The following TMEM231 variants were observed in gnomAD, a reference collection of about 807,000 sequenced individuals.
TMEM231 encodes the protein transmembrane protein 231.
In TMEM231, 40 loss-of-function variants were observed where a neutral mutation model predicts 38.5. The ratio of observed to expected loss-of-function variants is 1.04; its 90% CI spans 0.81 to 1.35. The LOEUF (loss-of-function observed/expected upper bound fraction) is 1.35. Among genes scored for constraint, TMEM231 ranks in the 40% most tolerant of loss-of-function variants. The probability of loss-of-function intolerance (pLI) is 0.00; values close to 1 mark genes in which losing one functional copy is unlikely to be tolerated. For missense variants in TMEM231, 420 were observed against 416.9 expected, an observed-to-expected ratio of 1.01 and a Z score of -0.07; for synonymous variants, 199 against 181.7, an observed-to-expected ratio of 1.10 and a Z score of -0.77.
chr16:75,545,552 G>T, intron 3 of TMEM231, 57 bp from the exon 4 acceptor site: 5 of 1,289,474 alleles, frequency 3.9e-6, no homozygotes, highest in African/African-American at 3.4e-5. Context: ...AAGGGCTCTG[G>T]GTGCTAAGAG....
In TMEM231 at chr16:75,540,028, G is replaced by C; in HGVS notation, c.917C>G (p.Pro306Arg). The C allele has an allele frequency of 6.2e-7, 1 of 1,613,378 alleles. No individual in the cohort carries two copies. Among genetic ancestry groups the C allele is most frequent in the Non-Finnish European group, 8.5e-7 (1 of 1,179,616 alleles). Reference sequence around the variant, plus strand: ...GTGCTCCTTACACAAGTCTCCCCGGGGCGTCACTGTCACAGGAATGGTGGT... The same window carrying C: ...GTGCTCCTTACACAAGTCTCCCCGGCGCGTCACTGTCACAGGAATGGTGGT... The part of the protein sequence containing the change: ...VVTTIPVTVT[P>R]RGDLCKEHLS The change falls in exon 7 of 7, where the codon CCC becomes CGC. Residue 306 changes from proline (P) to arginine (R), a missense_variant. Physicochemically the swap from Pro to Arg is moderately radical, Grantham distance 103 (BLOSUM62 -2). Coordinates refer to ENST00000258173, the MANE Select transcript of TMEM231 (RefSeq NM_001077418.3).
intron 2 of TMEM231, among the ~76,000 whole-genome samples, chr16:75,550,439 ACCT>A (rs1407615266): frequency 6.6e-6 from 1 of 152,128 alleles, no homozygotes; most frequent in East Asian, 1.9e-4. Flanking sequence ...TACTGGCAGA[ACCT>A]AACAGGAAGC....
At chr16:75,542,079 C>G (rs2080633748) in intron 5 of TMEM231, 1 of 157,330 alleles carries the variant, frequency 6.4e-6, no homozygotes, top group African/African-American at 2.4e-5. Flanking sequence ...AAACCTCAGC[C>G]ACCGACCAGA....
Position 75,537,220 on chromosome 16 carries a change from C to A in TMEM231, c.*2774G>T, listed in dbSNP as rs2080569173. 6.6e-6 allele frequency: 1 copy of A among 151,642 alleles called. No homozygotes were observed. The highest frequency in any genetic ancestry group is 6.6e-5 in the Admixed American group (1 of 15,192). 9.4% of individuals were successfully genotyped at this position (151,642 alleles called of 1,614,324 possible). Reference sequence around the variant, plus strand: ...TGATGAAATAATCTGTACACCAAACCCCCAGGTTGTACAATTTAGCTATAT... The same window carrying A: ...TGATGAAATAATCTGTACACCAAACACCCAGGTTGTACAATTTAGCTATAT... On this transcript the variant is annotated 3_prime_UTR_variant, in exon 7 of 7. Coordinates refer to ENST00000258173, the MANE Select transcript of TMEM231 (RefSeq NM_001077418.3).
At chr16:75,543,622 AAAC>A (rs2080651389) in intron 4 of TMEM231, among the ~76,000 whole-genome samples, 1 of 152,164 alleles carries the variant, frequency 6.6e-6, no homozygotes, top group South Asian at 2.1e-4. Flanking sequence ...CAAAAAAAAG[AAAC>A]CATACTTCCA....
At chr16:75,547,022 G>C (rs2080701105) in intron 2 of TMEM231, among the ~76,000 whole-genome samples, 1 of 152,152 alleles carries the variant, frequency 6.6e-6, no homozygotes. Context: ...AAAAAAAACT[G>C]GTATCCACTC....
intron 2 of TMEM231, among the ~76,000 whole-genome samples, chr16:75,548,083 CA>C (rs2080715464): frequency 6.6e-6 from 1 of 152,250 alleles, no homozygotes; most frequent in East Asian, 1.9e-4. Flanking sequence ...TCCCATTACA[CA>C]GATGACAAAA....
chr16:75,547,404 G>C (rs1400370673), intron 2 of TMEM231, among the ~76,000 whole-genome samples: 1 of 152,168 alleles, frequency 6.6e-6, no homozygotes. Context: ...TCTTGTTTTA[G>C]AGAAACCTCC....
intron 6 of TMEM231, 114 bp downstream of exon 6, chr16:75,541,236 T>C (rs2080624230): frequency 1.8e-6 from 1 of 547,250 alleles, no homozygotes; most frequent in Non-Finnish European, 3.0e-6. Context: ...GCCAGGCTGG[T>C]TGTGAACTCC....
At chr16:75,545,745 G>T in intron 3 of TMEM231, 81 bp downstream of exon 3, 1 of 653,912 alleles carries the variant, frequency 1.5e-6, no homozygotes, top group Non-Finnish European at 2.4e-6. Flanking sequence ...TAGAGTGCGG[G>T]TCTTCTAGAA....
intron 4 of TMEM231, among the ~76,000 whole-genome samples, chr16:75,543,570 A>G (rs1204705066): frequency 2.6e-5 from 4 of 152,162 alleles, no homozygotes; most frequent in African/African-American, 9.7e-5. Flanking sequence ...ACTCTGTCTC[A>G]AAAATAAAAA....
At chr16:75,540,242 G>A in intron 6 of TMEM231, 68 bp from the exon 7 acceptor site, 2 of 1,477,762 alleles carry the variant, frequency 1.4e-6, no homozygotes, top group East Asian at 4.7e-5. Flanking sequence ...AGATGGAATT[G>A]GCTGTGGCAG....
intron 2 of TMEM231, among the ~76,000 whole-genome samples, chr16:75,551,959 C>T (rs761138409): frequency 7.6e-6 from 1 of 131,174 alleles, no homozygotes; most frequent in Non-Finnish European, 1.6e-5. Context: ...GAGACTTCAT[C>T]TCAAAAAAAA....
intron 2 of TMEM231, among the ~76,000 whole-genome samples, chr16:75,553,318 T>G (rs1321305606): frequency 6.6e-6 from 1 of 152,166 alleles, no homozygotes. Context: ...CAGTCCAGAC[T>G]CTGTTCACTT....
chr16:75,543,008 C>T (rs1320558811), intron 4 of TMEM231, among the ~76,000 whole-genome samples: 1 of 152,122 alleles, frequency 6.6e-6, no homozygotes, highest in Non-Finnish European at 1.5e-5. Flanking sequence ...GGTCAGTGTC[C>T]ATGTTTTACA....
At chr16:75,554,496 G>C (rs1247006840) in intron 2 of TMEM231, among the ~76,000 whole-genome samples, 2 of 134,216 alleles carry the variant, frequency 1.5e-5, no homozygotes, top group Admixed American at 8.6e-5. Context: ...AGTGAGCAGA[G>C]AATTGCAGCA....
chr16:75,553,991 C>T (rs1047008014), intron 2 of TMEM231, among the ~76,000 whole-genome samples: 1 of 152,152 alleles, frequency 6.6e-6, no homozygotes, highest in African/African-American at 2.4e-5. Context: ...CCCACCATCC[C>T]CTATCACATA....
chr16:75,546,643 A>G (rs1422028643), intron 2 of TMEM231, among the ~76,000 whole-genome samples: 1 of 152,132 alleles, frequency 6.6e-6, no homozygotes, highest in Non-Finnish European at 1.5e-5. Flanking sequence ...GGGTCTCACC[A>G]TGTTGGCCAG....
In TMEM231 at chr16:75,555,821, G is replaced by T. The variant is rs865990160; in HGVS notation, c.292C>A (p.Arg98Ser). The stretch of plus-strand genomic sequence containing the variant: ...CCACGCACCGAAACGAGCGGGACGC[G>T]CAGGCGATCCCCTTGCAGCCGGTTG... ...AFNRLQGDRLRVPLVSTREED... is the reference protein window; with the variant it reads ...AFNRLQGDRLSVPLVSTREED... Residue 98 changes from arginine to serine, a missense_variant, in exon 2 of 7, where the codon CGC becomes AGC. By Grantham distance (110) the Arg-to-Ser change is moderately radical. Transcript: ENST00000258173. 31 of 1,551,948 alleles carry T rather than the reference G, an allele frequency of 2.0e-5. No individual in the cohort carries two copies. Among genetic ancestry groups the T allele is most frequent in the Non-Finnish European group, 2.7e-5 (31 of 1,147,972 alleles).
Sources: allele counts gnomAD v4.1 joint callset (sites outside exome capture counted in the v4.1 genomes callset), GRCh38; gene constraint gnomAD v4.1.1; transcripts MANE v1.5; gene names NCBI Gene and HGNC (gene_info 2026-07-23, HGNC 2026-07-21).